POLN: variants seen among roughly 807,000 people sequenced by gnomAD.
POLN encodes the protein DNA polymerase N.
A neutral mutation model predicts 113.5 loss-of-function variants in POLN; 108 were observed. The observed-to-expected ratio is 0.95, with a 90% CI of 0.81 to 1.12. The LOEUF (loss-of-function observed/expected upper bound fraction) is 1.12. Among genes scored for constraint, POLN ranks in the 50% most tolerant of loss-of-function variants. The pLI, the probability that POLN is intolerant of heterozygous loss-of-function variation, is 0.00. For missense variants in POLN, 1,097 were observed against 1,077.1 expected (o/e 1.02, Z -0.26); for synonymous variants, 386 against 391.5 (o/e 0.99, Z 0.17).
At chr4:2,089,941 A>G in intron 20 of POLN, 2 of 984,796 alleles carry the variant, frequency 2.0e-6, no homozygotes, top group Middle Eastern at 3.1e-4. Flanking sequence ...TAAGTTAGCT[A>G]GTGAAAGTTC....
Position 2,237,365 on chromosome 4 carries a change from G to C in POLN, c.-13+4155C>G, listed in dbSNP as rs533401090. 2.2e-4 allele frequency among the ~76,000 whole-genome samples: 33 copies of C among 147,180 alleles called. 1 individual carries two copies. Among genetic ancestry groups the C allele is most frequent in the East Asian group, 8.9e-4 (4 of 4,492 alleles). ...GCAGGAGGATCACTTGAGCCCAGGAGCTGGAGGTTGCAGTGAGCTATCATC... is the reference window on the plus strand; with the variant it reads ...GCAGGAGGATCACTTGAGCCCAGGACCTGGAGGTTGCAGTGAGCTATCATC... On this transcript the variant is annotated intron_variant, in intron 2 of 25. Transcript: ENST00000511885.
At chr4:2,193,631 G>A (rs371960225) in intron 6 of POLN, among the ~76,000 whole-genome samples, 2 of 152,130 alleles carry the variant, frequency 1.3e-5, no homozygotes, top group South Asian at 4.1e-4. Context: ...TTAGAGCCAG[G>A]CCCCAAGATG....
At chr4:2,083,117 C>T (rs1474589458) in intron 21 of POLN, 1 of 152,188 alleles carries the variant, frequency 6.6e-6, no homozygotes. Context: ...ATTTTTGTGC[C>T]TAGTCCCGTA....
At chr4:2,109,340 C>A (rs1259014915) in intron 19 of POLN, among the ~76,000 whole-genome samples, 1 of 152,178 alleles carries the variant, frequency 6.6e-6, no homozygotes, top group Non-Finnish European at 1.5e-5. Flanking sequence ...ACAATGCAGA[C>A]AGCCTGAAAT....
At chr4:2,222,135 A>G (rs569109782) in intron 3 of POLN, among the ~76,000 whole-genome samples, 1 of 152,290 alleles carries the variant, frequency 6.6e-6, no homozygotes, top group South Asian at 2.1e-4. Flanking sequence ...ATGTTGCCCA[A>G]ACTGGTCCGA....
rs997874422 is a variant in POLN at position 2,126,519 on chromosome 4, G to A, written c.1982+1594C>T. Among the ~76,000 whole-genome samples, 5 of 152,224 alleles carry A rather than the reference G, an allele frequency of 3.3e-5. No homozygotes were observed. The highest frequency in any genetic ancestry group is 1.2e-4 in the African/African-American group (5 of 41,462). ...CGCTGTCGCTGCAGCAGGATGGACA[G>A]TAGAGCAATACATGGGAATGTGCAT... On this transcript the variant is annotated intron_variant, in intron 19 of 25. Transcript: ENST00000511885. This position sits in a 1 kb window ranked among gnomAD's most constrained non-coding sequence, Gnocchi z 4.6.
At chr4:2,128,090 T>C (rs1413789849) in intron 19 of POLN, 23 bp downstream of exon 19, 1 of 1,413,356 alleles carries the variant, frequency 7.1e-7, no homozygotes, top group East Asian at 2.3e-5. Flanking sequence ...GATCTGATAA[T>C]ATTGTGAGTT....
chr4:2,212,291 C>A (rs1238914623), intron 4 of POLN, among the ~76,000 whole-genome samples: 1 of 152,168 alleles, frequency 6.6e-6, no homozygotes, highest in Non-Finnish European at 1.5e-5. Flanking sequence ...TTTCCACTAC[C>A]CAAAGTTCCA....
intron 16 of POLN, among the ~76,000 whole-genome samples, chr4:2,132,958 A>G (rs1731761726): frequency 1.3e-5 from 2 of 152,194 alleles, no homozygotes; most frequent in Admixed American, 1.3e-4. Context: ...TTTGAGTTCA[A>G]TGGCTTTTGT....
At chr4:2,238,521 C>G (rs1446947722) in intron 2 of POLN, 1 of 883,574 alleles carries the variant, frequency 1.1e-6, no homozygotes, top group Non-Finnish European at 1.6e-6. Flanking sequence ...TTAAAAACTT[C>G]CAAAATTTTA....
At chr4:2,153,066 C>T (rs1461794230) in intron 16 of POLN, among the ~76,000 whole-genome samples, 1 of 152,192 alleles carries the variant, frequency 6.6e-6, no homozygotes, top group Non-Finnish European at 1.5e-5. Flanking sequence ...TTTTAGAGGG[C>T]AACTGTACAA....
intron 2 of POLN, chr4:2,229,775 AT>A (rs1238819301): frequency 6.6e-6 from 1 of 152,316 alleles, no homozygotes; most frequent in Non-Finnish European, 1.5e-5. Context: ...GTGAGCTGAG[AT>A]CATGCCACTG....
In POLN at chr4:2,174,016, A is replaced by C. The variant is rs1223856310; in HGVS notation, c.1313T>G (p.Met438Arg). The C allele has an allele frequency of 1.2e-6, 2 of 1,614,070 alleles. No homozygotes were observed. Among genetic ancestry groups the C allele is most frequent in the Non-Finnish European group, 1.7e-6 (2 of 1,180,028 alleles). ...GTTCACCTGAATGGCATGGCTTTCCATCACTGTGATTCGAAACCCAAACCA... is the reference window on the plus strand; with the variant it reads ...GTTCACCTGAATGGCATGGCTTTCCCTCACTGTGATTCGAAACCCAAACCA... ...ELPLIPILAVMESHAIQVNKE... is the reference protein window; with the variant it reads ...ELPLIPILAVRESHAIQVNKE... The change falls in exon 11 of 26, where the codon ATG becomes AGG. Residue 438 changes from methionine (M) to arginine (R), a missense_variant. Physicochemically the swap from Met to Arg is moderately conservative, Grantham distance 91. Transcript: ENST00000511885.
At position 2,209,257 on chromosome 4, in the gene POLN, G is replaced by A. The variant is rs1036580107; in HGVS notation, c.214-770C>T. 6.6e-5 allele frequency among the ~76,000 whole-genome samples: 10 copies of A among 152,050 alleles called. No individual in the cohort carries two copies. The South Asian group carries it at 8.3e-4, about 13-fold the overall frequency. The stretch of plus-strand genomic sequence containing the variant: ...AATACTTTGGGAGGCTGAGGCTGGC[G>A]GATCACAAGGTCAACAGTTCGAGAC... On this transcript the variant is annotated intron_variant, in intron 4 of 25. Coordinates refer to ENST00000511885, the MANE Select transcript of POLN (RefSeq NM_181808.4).
intron 19 of POLN, among the ~76,000 whole-genome samples, chr4:2,105,022 G>A (rs1037918299): frequency 6.6e-6 from 1 of 152,114 alleles, no homozygotes; most frequent in African/African-American, 2.4e-5. Context: ...GTTGAGATCT[G>A]CCCCCCACCA....
chr4:2,113,965 T>A (rs1167967651), intron 19 of POLN, among the ~76,000 whole-genome samples: 1 of 151,038 alleles, frequency 6.6e-6, no homozygotes, highest in African/African-American at 2.4e-5. Context: ...AATGGTGCGA[T>A]CACAGCTCAC....
At chr4:2,147,710 T>C (rs1322829149) in intron 16 of POLN, among the ~76,000 whole-genome samples, 1 of 136,906 alleles carries the variant, frequency 7.3e-6, no homozygotes, top group Non-Finnish European at 1.5e-5. Context: ...TGGCGTGATC[T>C]TGGCTCACCG....
At chr4:2,103,354 G>A (rs2108706115) in intron 19 of POLN, among the ~76,000 whole-genome samples, 1 of 152,000 alleles carries the variant, frequency 6.6e-6, no homozygotes, top group South Asian at 2.1e-4. Context: ...GGGCCAAGCA[G>A]AAGAAAAAAT....
At chr4:2,224,141 A>C (rs1458613458) in intron 3 of POLN, among the ~76,000 whole-genome samples, 1 of 152,170 alleles carries the variant, frequency 6.6e-6, no homozygotes, top group Non-Finnish European at 1.5e-5. Flanking sequence ...TTTCTCTATT[A>C]AGATATTTAA....
Sources: gnomAD v4.1 joint callset for allele counts (sites outside exome capture counted in the v4.1 genomes callset) on GRCh38, gnomAD v4.1.1 for gene constraint, Gnocchi (gnomAD v3.1) non-coding constraint, MANE v1.5 for transcripts, NCBI Gene and HGNC (gene_info 2026-07-23, HGNC 2026-07-21) for gene names.